The following SGCZ variants were observed in gnomAD, a reference collection of about 807,000 sequenced individuals.
SGCZ encodes sarcoglycan zeta.
A neutral mutation model predicts 41.3 loss-of-function variants in SGCZ; 40 were observed. The ratio of observed to expected loss-of-function variants is 0.97; its 90% CI spans 0.75 to 1.26. The LOEUF (loss-of-function observed/expected upper bound fraction) is 1.26, where lower values mean the gene tolerates loss of function less well. SGCZ is among the 50% of genes most tolerant of loss of function. The probability of loss-of-function intolerance (pLI) is 0.00; values close to 1 mark genes in which losing one functional copy is unlikely to be tolerated. For synonymous variants in SGCZ, 206 were observed against 137.5 expected, an observed-to-expected ratio of 1.50 and a Z score of -3.49; for missense variants, 552 against 369.8, an observed-to-expected ratio of 1.49 and a Z score of -4.04.
chr8:14,607,694 G>A (rs555911798), intron 1 of SGCZ, among the ~76,000 whole-genome samples: 18 of 129,476 alleles, frequency 1.4e-4, no homozygotes, highest in African/African-American at 2.7e-4. Flanking sequence ...ATCTCAACTC[G>A]TGGGATCTAC....
intron 1 of SGCZ, among the ~76,000 whole-genome samples, chr8:14,793,036 A>G (rs1352268371): frequency 1.3e-5 from 2 of 152,216 alleles, no homozygotes; most frequent in Non-Finnish European, 2.9e-5. Context: ...ACAATATAAA[A>G]GATACTAAAT....
intron 1 of SGCZ, among the ~76,000 whole-genome samples, chr8:14,941,001 T>C (rs1800257033): frequency 6.6e-6 from 1 of 151,990 alleles, no homozygotes; most frequent in African/African-American, 2.4e-5. Context: ...CTAATAAACA[T>C]GAATAGATGT....
rs147761313 is a variant in SGCZ, at chr8:14,673,147, G to A, written c.40-118221C>T. Among the ~76,000 whole-genome samples the A allele has an allele frequency of 1.4e-3, 216 of 152,262 alleles. 1 individual carries two copies. Among genetic ancestry groups the A allele is most frequent in the African/African-American group, 4.9e-3 (202 of 41,556 alleles). On this transcript the variant is annotated intron_variant, in intron 1 of 7. Transcript: ENST00000382080. ...CATTATCCCATCTATACAACATAGT[G>A]AGTGTTATGATGTTTACCCTGTATT...
chr8:14,155,162 G>T (rs1032813628), intron 5 of SGCZ, among the ~76,000 whole-genome samples: 1 of 152,212 alleles, frequency 6.6e-6, no homozygotes, highest in African/African-American at 2.4e-5. Context: ...CAAATGTCCA[G>T]TTTCCTTCAA....
Position 14,090,637 on chromosome 8 carries a change from T to G in SGCZ, c.745A>C (p.Ile249Leu), listed in dbSNP as rs746887028. The change falls in exon 8 of 8, where the codon ATA (isoleucine) becomes CTA (leucine). Residue 249 changes from isoleucine (I) to leucine (L), a missense_variant and splice_region_variant. Transcript: ENST00000382080. ...ELHLQSTEGE[I>L]FLNAETIKLG... ...TTGATTGTCTCTGCATTTAAAAATATCTATGGGAAAAAAGAAATTGCATTT... is the reference window on the plus strand; with the variant it reads ...TTGATTGTCTCTGCATTTAAAAATAGCTATGGGAAAAAAGAAATTGCATTT... The G allele has an allele frequency of 1.2e-6, 2 of 1,607,016 alleles. No homozygotes were observed. The highest frequency in any genetic ancestry group is 8.5e-7 in the Non-Finnish European group (1 of 1,177,794).
intron 1 of SGCZ, among the ~76,000 whole-genome samples, chr8:15,227,590 C>G (rs1239333207): frequency 6.6e-6 from 1 of 152,194 alleles, no homozygotes; most frequent in Non-Finnish European, 1.5e-5. Context: ...GTCATTCTTT[C>G]TCTTTCAAGC....
intron 2 of SGCZ, among the ~76,000 whole-genome samples, chr8:14,366,148 T>C (rs552165022): frequency 6.6e-6 from 1 of 152,272 alleles, no homozygotes; most frequent in African/African-American, 2.4e-5. Flanking sequence ...TTTGTCTCTG[T>C]ATTAGTCTGC....
At chr8:14,634,348 CTTTG>C (rs1197125383) in intron 1 of SGCZ, among the ~76,000 whole-genome samples, 1 of 151,622 alleles carries the variant, frequency 6.6e-6, no homozygotes, top group Non-Finnish European at 1.5e-5. Context: ...GTTTCATTTT[CTTTG>C]TTTATTTTGT....
At chr8:14,355,393 G>C (rs1041029908) in intron 2 of SGCZ, among the ~76,000 whole-genome samples, 2 of 151,994 alleles carry the variant, frequency 1.3e-5, no homozygotes, top group African/African-American at 4.8e-5. Flanking sequence ...CCCTTTTGAA[G>C]ACAAATTGCA....
At chr8:14,551,550 T>TG (rs1803847431) in intron 2 of SGCZ, among the ~76,000 whole-genome samples, 1 of 9,560 alleles carries the variant, frequency 1.0e-4, no homozygotes, top group Non-Finnish European at 1.8e-4. Flanking sequence ...ATAATATATA[T>TG]AATATATATT....
intron 3 of SGCZ, among the ~76,000 whole-genome samples, chr8:14,270,501 A>C (rs1054649680): frequency 3.4e-4 from 52 of 152,158 alleles, no homozygotes; most frequent in African/African-American, 1.0e-3. Flanking sequence ...AACATGGCCC[A>C]AGCTTCAGGC....
intron 1 of SGCZ, among the ~76,000 whole-genome samples, chr8:14,765,967 C>CTTTTTTT (rs59212700): frequency 7.1e-6 from 1 of 141,556 alleles, no homozygotes; most frequent in Admixed American, 7.2e-5. Flanking sequence ...ATATGATAGT[C>CTTTTTTT]TTTTTTTTTT....
intron 2 of SGCZ, among the ~76,000 whole-genome samples, chr8:14,354,157 T>C (rs1465338731): frequency 1.3e-5 from 2 of 152,076 alleles, no homozygotes; most frequent in Non-Finnish European, 2.9e-5. Flanking sequence ...GTAATTGCCT[T>C]ATTATTTCCC....
chr8:14,140,326 C>G (rs549284544), intron 5 of SGCZ, among the ~76,000 whole-genome samples: 1 of 152,202 alleles, frequency 6.6e-6, no homozygotes, highest in Non-Finnish European at 1.5e-5. Flanking sequence ...CCAGGGAAAT[C>G]AGGCAGGAGA....
intron 1 of SGCZ, among the ~76,000 whole-genome samples, chr8:14,613,436 T>A (rs1805993979): frequency 6.6e-6 from 1 of 152,124 alleles, no homozygotes; most frequent in Non-Finnish European, 1.5e-5. Flanking sequence ...AATCTATAAA[T>A]CATGCTCTTT....
intron 1 of SGCZ, among the ~76,000 whole-genome samples, chr8:15,062,155 A>C (rs1804962389): frequency 6.6e-6 from 1 of 151,996 alleles, no homozygotes; most frequent in Non-Finnish European, 1.5e-5. Context: ...TGATCATTTC[A>C]CCCCTTTATA....
intron 2 of SGCZ, among the ~76,000 whole-genome samples, chr8:14,521,807 G>C (rs79835470): frequency 2.6e-5 from 4 of 152,092 alleles, no homozygotes; most frequent in Non-Finnish European, 4.4e-5. Context: ...GAATAAGAGT[G>C]ATGAGAGTAG....
chr8:14,235,844 C>T (rs537706354), intron 4 of SGCZ, among the ~76,000 whole-genome samples: 1 of 152,024 alleles, frequency 6.6e-6, no homozygotes, highest in Non-Finnish European at 1.5e-5. Flanking sequence ...ACCACCATGC[C>T]CAAATAATTT....
At chr8:14,947,117 A>G (rs1469552004) in intron 1 of SGCZ, among the ~76,000 whole-genome samples, 1 of 152,204 alleles carries the variant, frequency 6.6e-6, no homozygotes, top group Non-Finnish European at 1.5e-5. Context: ...AGTTTAATCC[A>G]ACTTTGAAAA....
Sources: gnomAD v4.1 joint callset for allele counts (sites outside exome capture counted in the v4.1 genomes callset) on GRCh38, gnomAD v4.1.1 for gene constraint, MANE v1.5 for transcripts, NCBI Gene and HGNC (gene_info 2026-07-23, HGNC 2026-07-21) for gene names.